The following ANGPTL2 variants were observed in gnomAD, a reference collection of about 807,000 sequenced individuals.
The protein encoded by ANGPTL2 is angiopoietin like 2.
In ANGPTL2, 25 loss-of-function variants were observed where a neutral mutation model predicts 52.8. That is an observed-to-expected ratio of 0.47 (90% CI 0.35 to 0.66). The LOEUF is 0.66. Among genes scored for constraint, ANGPTL2 ranks in the 30% least tolerant of loss-of-function variants. ANGPTL2 has a pLI of 0.01. For missense variants in ANGPTL2, 546 were observed against 656.9 expected (o/e 0.83, Z 1.84); for synonymous variants, 276 against 277.4 (o/e 1.00, Z 0.05).
intron 2 of ANGPTL2, among the ~76,000 whole-genome samples, chr9:127,095,853 T>C (rs2053070038): frequency 2.0e-5 from 3 of 152,214 alleles, no homozygotes; most frequent in Non-Finnish European, 4.4e-5. Context: ...GGAAGAAGCC[T>C]TGTGTTTGAG....
In ANGPTL2 at chr9:127,093,944, CAT is replaced by C. The variant is rs764395775; in HGVS notation, c.818-20_818-19del. ...CCATGGGCCTGGGGACACAGACATG[CAT>C]ATACATCACAGACCTGCCTGTCACC... On this transcript the variant is annotated intron_variant, in intron 2 of 4. Transcript: ENST00000373425. The C allele has an allele frequency of 7.9e-5, 128 of 1,611,368 alleles. No individual in the cohort carries two copies. The African/African-American group carries it at 1.4e-3, about 18-fold the overall frequency.
intron 2 of ANGPTL2, among the ~76,000 whole-genome samples, chr9:127,094,199 GC>G (rs2136514132): frequency 6.6e-6 from 1 of 152,222 alleles, no homozygotes; most frequent in East Asian, 1.9e-4. Flanking sequence ...CATTCTCCCA[GC>G]CCCCAGTTTC....
intron 3 of ANGPTL2, among the ~76,000 whole-genome samples, chr9:127,092,580 A>G (rs2052616452): frequency 6.6e-6 from 1 of 152,138 alleles, no homozygotes; most frequent in South Asian, 2.1e-4. Flanking sequence ...CACTGTTTTA[A>G]GAACTTTACA....
intron 1 of ANGPTL2, among the ~76,000 whole-genome samples, chr9:127,112,037 A>G (rs930061101): frequency 2.0e-5 from 3 of 152,190 alleles, no homozygotes; most frequent in Non-Finnish European, 4.4e-5. Flanking sequence ...TCTGGGCTCC[A>G]CCTTGGACCA....
intron 1 of ANGPTL2, among the ~76,000 whole-genome samples, chr9:127,113,904 A>G (rs1701809903): frequency 6.6e-6 from 1 of 152,220 alleles, no homozygotes; most frequent in Admixed American, 6.5e-5. Context: ...AGCCCAAGCA[A>G]GGGGCCACTT....
At chr9:127,115,829 G>A (rs1221442384) in intron 1 of ANGPTL2, among the ~76,000 whole-genome samples, 4 of 152,228 alleles carry the variant, frequency 2.6e-5, no homozygotes, top group Admixed American at 1.3e-4. Flanking sequence ...GGGATGAGCA[G>A]TGACACCCTC....
At chr9:127,112,548 A>G (rs1021446424) in intron 1 of ANGPTL2, among the ~76,000 whole-genome samples, 2 of 152,224 alleles carry the variant, frequency 1.3e-5, no homozygotes, top group African/African-American at 4.8e-5. Context: ...GATTTGCACT[A>G]TTTATGGTTG....
intron 2 of ANGPTL2, among the ~76,000 whole-genome samples, chr9:127,106,590 G>A (rs2137032317): frequency 6.6e-6 from 1 of 152,328 alleles, no homozygotes; most frequent in Admixed American, 6.5e-5. Flanking sequence ...GAGCTAATCA[G>A]TGGTGGAAAC....
chr9:127,095,410 T>A (rs1347691836), intron 2 of ANGPTL2, among the ~76,000 whole-genome samples: 1 of 152,154 alleles, frequency 6.6e-6, no homozygotes, highest in Admixed American at 6.5e-5. Flanking sequence ...CTCAAAAAAA[T>A]AAATAAATAA....
chr9:127,096,256 A>C (rs747303310), intron 2 of ANGPTL2, among the ~76,000 whole-genome samples: 1 of 152,216 alleles, frequency 6.6e-6, no homozygotes, highest in South Asian at 2.1e-4. Context: ...AGCCCCAGGG[A>C]TGGAGGCAGA....
intron 2 of ANGPTL2, among the ~76,000 whole-genome samples, chr9:127,099,703 A>G (rs1274775248): frequency 2.0e-5 from 3 of 152,254 alleles, no homozygotes; most frequent in African/African-American, 7.2e-5. Context: ...ATTCTATGTC[A>G]ATCACTGCTT....
At chr9:127,093,383 G>C (rs2052716062) in intron 3 of ANGPTL2, among the ~76,000 whole-genome samples, 1 of 152,122 alleles carries the variant, frequency 6.6e-6, no homozygotes, top group Non-Finnish European at 1.5e-5. Context: ...TTTCCCCATG[G>C]AAACCCCACT....
intron 2 of ANGPTL2, among the ~76,000 whole-genome samples, chr9:127,102,026 A>G (rs771888258): frequency 9.2e-5 from 14 of 152,116 alleles, no homozygotes; most frequent in Non-Finnish European, 1.9e-4. Context: ...GACCAGATTC[A>G]TGCCAGGGAG....
Position 127,108,333 on chromosome 9 carries a change from C to A in ANGPTL2, c.399G>T (p.Arg133=), listed in dbSNP as rs1185985724. ...LRKESRNMNS[R]VTQLYMQLLH... ...GGAGCTGCATGTAGAGCTGCGTGACCCGCGAGTTCATGTTGCGGCTCTCCT... is the reference window on the plus strand; with the variant it reads ...GGAGCTGCATGTAGAGCTGCGTGACACGCGAGTTCATGTTGCGGCTCTCCT... The change falls in exon 2 of 5, where the codon CGG becomes CGT. Residue 133 remains arginine (R), a synonymous_variant. Transcript: ENST00000373425. The A allele has an allele frequency of 6.2e-7, 1 of 1,613,178 alleles. No individual in the cohort carries two copies. The highest frequency in any genetic ancestry group is 2.2e-5 in the East Asian group (1 of 44,808).
In ANGPTL2 at chr9:127,088,972, C is replaced by T. The variant is rs1461765190; in HGVS notation, c.1449G>A (p.Met483Ile). Residue 483 changes from methionine to isoleucine, a missense_variant, in exon 5 of 5, where the codon ATG becomes ATA. By Grantham distance (10) the Met-to-Ile change is conservative. Transcript: ENST00000373425. ...GGSYSLKKVV[M>I]MIRPNPNTFH ...AGGTGTTGGGGTTCGGTCGGATCAT[C>T]ATCACCACTTTCTTGAGTGAGTAAG... The T allele has an allele frequency of 1.2e-6, 2 of 1,614,230 alleles. No homozygotes were observed. The highest frequency in any genetic ancestry group is 8.5e-7 in the Non-Finnish European group (1 of 1,180,044).
chr9:127,099,438 T>G (rs2053500343), intron 2 of ANGPTL2, among the ~76,000 whole-genome samples: 1 of 152,242 alleles, frequency 6.6e-6, no homozygotes, highest in Non-Finnish European at 1.5e-5. Flanking sequence ...TGACTAACTG[T>G]TGAAATTGGA....
Position 127,108,270 on chromosome 9 carries a change from C to T in ANGPTL2, c.462G>A (p.Glu154=). The change falls in exon 2 of 5, where the codon GAG becomes GAA. Residue 154 remains glutamate (E), a synonymous_variant. Transcript: ENST00000373425. The part of the protein sequence containing the change: ...EIIRKRDNAL[E]LSQLENRILN... ...GGATCCTGTTCTCCAGCTGGGAGAGCTCCAACGCGTTGTCCCGCTTGCGGA... is the reference window on the plus strand; with the variant it reads ...GGATCCTGTTCTCCAGCTGGGAGAGTTCCAACGCGTTGTCCCGCTTGCGGA... 6 of 1,613,996 alleles carry T rather than the reference C, an allele frequency of 3.7e-6. No individual in the cohort carries two copies. Among genetic ancestry groups the T allele is most frequent in the Non-Finnish European group, 5.1e-6 (6 of 1,179,972 alleles).
In ANGPTL2 at chr9:127,120,572, C is replaced by A. The variant is rs1011661201; in HGVS notation, c.-50+1743G>T. ...GGTGCAGTGGCTCACGCCTGCAATC[C>A]CAGCACTTCGGGAGGCCGAGGTGGG... On this transcript the variant is annotated intron_variant, in intron 1 of 4. Coordinates refer to ENST00000373425, the MANE Select transcript of ANGPTL2 (RefSeq NM_012098.3). Among the ~76,000 whole-genome samples the A allele has an allele frequency of 3.3e-5, 5 of 152,190 alleles. No homozygotes were observed. The South Asian group carries it at 1.0e-3, about 31-fold the overall frequency.
chr9:127,094,392 GC>G (rs147128543), intron 2 of ANGPTL2, among the ~76,000 whole-genome samples: 8,773 of 152,272 alleles, frequency 0.058, 815 homozygotes, highest in African/African-American at 0.2. Context: ...CTTTGCTTCT[GC>G]AAGGAAACTC....
Sources: gnomAD v4.1 joint callset for allele counts (sites outside exome capture counted in the v4.1 genomes callset) on GRCh38, gnomAD v4.1.1 for gene constraint, MANE v1.5 for transcripts, NCBI Gene and HGNC (gene_info 2026-07-23, HGNC 2026-07-21) for gene names.